CELF2: variants seen among roughly 807,000 people sequenced by gnomAD.
The protein encoded by CELF2 is CUGBP Elav-like family member 2, also known as CUG triplet repeat RNA-binding protein 2.
Under a neutral mutation model 62.6 loss-of-function variants are expected in CELF2, and 8 were observed. The observed-to-expected ratio is 0.13, with a 90% confidence interval of 0.07 to 0.23. CELF2 has a LOEUF of 0.23. Among genes scored for constraint, CELF2 ranks in the 10% least tolerant of loss-of-function variants. The pLI is 1.00. For synonymous variants in CELF2, 258 were observed against 250.0 expected, an observed-to-expected ratio of 1.03 and a Z score of -0.30; for missense variants, 333 against 671.0, an observed-to-expected ratio of 0.50 and a Z score of 5.56.
the CELF2 span, among the ~76,000 whole-genome samples, chr10:10,492,735 G>A: frequency 6.6e-6 from 1 of 152,176 alleles, no homozygotes; most frequent in Non-Finnish European, 1.5e-5. Context: ...GAAATGGTTT[G>A]GCTGTGTCCC....
At chr10:11,068,600 G>T (rs975229676) in intron 1 of CELF2, among the ~76,000 whole-genome samples, 1 of 150,594 alleles carries the variant, frequency 6.6e-6, no homozygotes, top group Non-Finnish European at 1.5e-5. Flanking sequence ...TTGCTCTGTC[G>T]CCCAGGCTGG....
chr10:11,114,222 G>A (rs1371572123), intron 1 of CELF2, among the ~76,000 whole-genome samples: 1 of 152,126 alleles, frequency 6.6e-6, no homozygotes, highest in Non-Finnish European at 1.5e-5. Context: ...CATGCTGAGA[G>A]TAAAAACAAT....
rs936955846 is a variant in CELF2 at position 11,220,008 on chromosome 10, A to G, written c.354+2501A>G. Among the ~76,000 whole-genome samples, 4 of 152,242 alleles carry G rather than the reference A, an allele frequency of 2.6e-5. No homozygotes were observed. The highest frequency in any genetic ancestry group is 7.2e-5 in the African/African-American group (3 of 41,462). On this transcript the variant is annotated intron_variant, in intron 3 of 12. Coordinates refer to ENST00000633077, the MANE Select transcript of CELF2 (RefSeq NM_001326342.2). This position sits in a 1 kb window ranked among gnomAD's most constrained non-coding sequence, Gnocchi z 4.4. The stretch of plus-strand genomic sequence containing the variant: ...TACTATTTTAACTGGTTGCCTTCAT[A>G]TTATGAAATTAATAAGAAATTAATG...
chr10:10,579,648 A>G, the CELF2 span, among the ~76,000 whole-genome samples: 1 of 152,124 alleles, frequency 6.6e-6, no homozygotes, highest in Non-Finnish European at 1.5e-5. Flanking sequence ...CAGTCCCATA[A>G]TAGAGGCAAT....
Position 11,157,308 on chromosome 10 carries a change from G to A in CELF2, c.75-8178G>A, listed in dbSNP as rs73575699. Among the ~76,000 whole-genome samples the A allele has an allele frequency of 0.19, 29,176 of 151,972 alleles. 3,693 individuals are homozygous for A. Among genetic ancestry groups the A allele is most frequent in the African/African-American group, 0.36 (14,717 of 41,374 alleles). ...TGTTAGAGCCGCCTTTTTCTCCCCAGTTTTTTGTTTCGTTTCAATGCCATT... is the reference window on the plus strand; with the variant it reads ...TGTTAGAGCCGCCTTTTTCTCCCCAATTTTTTGTTTCGTTTCAATGCCATT... On this transcript the variant is annotated intron_variant, in intron 1 of 12. Transcript: ENST00000633077. The surrounding 1 kb of genome is among the most constrained non-coding windows in gnomAD (Gnocchi z 4.9).
intron 1 of CELF2, among the ~76,000 whole-genome samples, chr10:10,822,216 A>G (rs2057024933): frequency 6.6e-6 from 1 of 152,190 alleles, no homozygotes; most frequent in Non-Finnish European, 1.5e-5. Context: ...CAGAGCCTGG[A>G]AGGGGACCGG....
chr10:10,779,463 T>C, the CELF2 span, among the ~76,000 whole-genome samples: 82 of 152,292 alleles, frequency 5.4e-4, no homozygotes, highest in African/African-American at 1.9e-3. Flanking sequence ...ACCTTCCTGA[T>C]TCTCCACCCT....
At chr10:10,557,585 C>G in the CELF2 span, among the ~76,000 whole-genome samples, 1 of 151,686 alleles carries the variant, frequency 6.6e-6, no homozygotes, top group African/African-American at 2.4e-5. Flanking sequence ...GCATTGGTAG[C>G]TTGATGGGGA....
intron 1 of CELF2, among the ~76,000 whole-genome samples, chr10:10,919,008 C>A (rs1213232137): frequency 1.3e-5 from 2 of 152,118 alleles, no homozygotes; most frequent in Non-Finnish European, 2.9e-5. Context: ...CGGTGGCTCA[C>A]ACCTGTAATC....
chr10:11,020,065 T>C (rs2058060207), intron 1 of CELF2, among the ~76,000 whole-genome samples: 1 of 152,256 alleles, frequency 6.6e-6, no homozygotes, highest in Non-Finnish European at 1.5e-5. Context: ...AAAAATTTAA[T>C]TTATCCTTTT....
intron 2 of CELF2, among the ~76,000 whole-genome samples, chr10:10,924,496 G>C (rs2134866117): frequency 6.6e-6 from 1 of 152,162 alleles, no homozygotes; most frequent in East Asian, 1.9e-4. Flanking sequence ...AAGTACTGCA[G>C]TAGAGATTCA....
chr10:10,709,702 C>T, the CELF2 span, among the ~76,000 whole-genome samples: 4 of 152,094 alleles, frequency 2.6e-5, no homozygotes, highest in South Asian at 2.1e-4. Flanking sequence ...AGGAAAAGGG[C>T]GAGGCAGTGG....
chr10:10,745,113 TAA>T, the CELF2 span, among the ~76,000 whole-genome samples: 31,113 of 127,810 alleles, frequency 0.24, 3,818 homozygotes, highest in South Asian at 0.5. Flanking sequence ...CCATGCCACG[TAA>T]AAAAAAAAAA....
intron 2 of CELF2, among the ~76,000 whole-genome samples, chr10:11,179,586 A>G (rs566929964): frequency 6.6e-6 from 1 of 152,322 alleles, no homozygotes; most frequent in Non-Finnish European, 1.5e-5. Context: ...GCTTGTATTC[A>G]TTCTTAGGAC....
the CELF2 span, among the ~76,000 whole-genome samples, chr10:10,770,809 G>A: frequency 1.3e-5 from 2 of 152,142 alleles, no homozygotes; most frequent in African/African-American, 2.4e-5. Context: ...GTTAATGGAT[G>A]ATGAATGCTT....
intron 8 of CELF2, among the ~76,000 whole-genome samples, chr10:11,287,014 C>G (rs918491273): frequency 6.6e-6 from 1 of 152,160 alleles, no homozygotes; most frequent in Admixed American, 6.5e-5. Context: ...AGAGTGCTGT[C>G]TAGAGCACTC....
the CELF2 span, among the ~76,000 whole-genome samples, chr10:10,514,622 C>T: frequency 1.3e-5 from 2 of 152,010 alleles, no homozygotes; most frequent in Non-Finnish European, 2.9e-5. Context: ...GGGATTCAGA[C>T]GTGGATTCAG....
chr10:11,243,205 ACT>A lies in CELF2; in HGVS notation c.355-5945_355-5944del, dbSNP rs2074526860. On this transcript the variant is annotated intron_variant, in intron 3 of 12. Transcript: ENST00000633077. This position sits in a 1 kb window ranked among gnomAD's most constrained non-coding sequence, Gnocchi z 4.1. ...AGATGCCTTCTTGGGACCGCGCTTG[ACT>A]CTAGTTCCTTCTCCCCGGGAGGGAG... Among the ~76,000 whole-genome samples the A allele has an allele frequency of 6.6e-6, 1 of 151,020 alleles. No homozygotes were observed. The highest frequency in any genetic ancestry group is 2.1e-4 in the South Asian group (1 of 4,784).
chr10:10,535,453 C>T, the CELF2 span, among the ~76,000 whole-genome samples: 51 of 152,326 alleles, frequency 3.3e-4, 1 homozygote, highest in South Asian at 0.011. Context: ...GGTGCGGTGG[C>T]TCACACCTGT....
Sources: allele counts gnomAD v4.1 joint callset (sites outside exome capture counted in the v4.1 genomes callset), GRCh38; gene constraint gnomAD v4.1.1; non-coding constraint Gnocchi (gnomAD v3.1); transcripts MANE v1.5; gene names NCBI Gene and HGNC (gene_info 2026-07-23, HGNC 2026-07-21).